ASXL2: variants seen among roughly 807,000 people sequenced by gnomAD.
ASXL2 encodes ASXL transcriptional regulator 2.
In ASXL2, 23 loss-of-function variants were observed where a neutral mutation model predicts 122.0. The observed-to-expected ratio is 0.19, with a 90% CI of 0.14 to 0.27. The LOEUF is 0.27. Ranked by LOEUF, ASXL2 falls within the 10% of genes least tolerant of loss-of-function variation. ASXL2 has a pLI of 1.00. For synonymous variants in ASXL2, 650 were observed against 637.0 expected, an observed-to-expected ratio of 1.02 and a Z score of -0.31; for missense variants, 1,518 against 1,713.8, an observed-to-expected ratio of 0.89 and a Z score of 2.02.
chr2:25,770,262 G>A (rs1231726503), intron 6 of ASXL2, among the ~76,000 whole-genome samples: 2 of 151,988 alleles, frequency 1.3e-5, no homozygotes, highest in Non-Finnish European at 2.9e-5. Context: ...AGGCTGGAGT[G>A]CAGTGGCACG....
chr2:25,813,177 T>G (rs989382859), intron 3 of ASXL2, among the ~76,000 whole-genome samples: 1 of 152,184 alleles, frequency 6.6e-6, no homozygotes, highest in Non-Finnish European at 1.5e-5. Flanking sequence ...GATTAGTGGA[T>G]CCACAGAGGG....
intron 5 of ASXL2, among the ~76,000 whole-genome samples, chr2:25,774,492 T>C (rs2088514687): frequency 6.6e-6 from 1 of 152,136 alleles, no homozygotes; most frequent in African/African-American, 2.4e-5. Flanking sequence ...GCAGGAACTC[T>C]TTTGTACATG....
At chr2:25,818,641 C>T (rs2089269631) in intron 3 of ASXL2, among the ~76,000 whole-genome samples, 3 of 152,068 alleles carry the variant, frequency 2.0e-5, no homozygotes, top group African/African-American at 4.8e-5. Flanking sequence ...TGAGGTCATG[C>T]TAAGAATAAA....
At chr2:25,768,027 C>T (rs183861218) in intron 7 of ASXL2, among the ~76,000 whole-genome samples, 73 of 152,220 alleles carry the variant, frequency 4.8e-4, no homozygotes, top group African/African-American at 1.6e-3. Context: ...TTATGTAATA[C>T]AATACAGAGT....
Position 25,742,203 on chromosome 2 carries a change from A to G in ASXL2, c.4134T>C (p.His1378=). 1.2e-6 allele frequency: 2 copies of G among 1,614,042 alleles called. No homozygotes were observed. The highest frequency in any genetic ancestry group is 1.7e-6 in the Non-Finnish European group (2 of 1,179,892). The change falls in exon 13 of 13, where the codon CAT becomes CAC. Residue 1378 remains histidine (H), a synonymous_variant. Transcript: ENST00000435504. ...PASQAMNPSS[H]GQTIPVQAFS... The stretch of plus-strand genomic sequence containing the variant: ...ACGCCTGAACAGGAATGGTCTGGCC[A>G]TGGCTGCTGGGATTCATAGCTTGGC...
At chr2:25,748,447 A>G (rs2087979029) in intron 12 of ASXL2, among the ~76,000 whole-genome samples, 2 of 152,042 alleles carry the variant, frequency 1.3e-5, no homozygotes, top group Non-Finnish European at 2.9e-5. Context: ...TGGAGACTGC[A>G]GTGAGCCAAG....
In ASXL2 at chr2:25,863,864, G is replaced by C. The variant is rs1247962528; in HGVS notation, c.57+14302C>G. On this transcript the variant is annotated intron_variant, in intron 1 of 12. Transcript: ENST00000435504. ...CTACTAAAAGTACAAAAATTAGCTG[G>C]GTATGGTGGCAGGTGACTGTAATCC... is the stretch of plus-strand genomic sequence containing the variant. Among the ~76,000 whole-genome samples the C allele has an allele frequency of 2.6e-5, 4 of 151,682 alleles. No homozygotes were observed. In the East Asian group the frequency reaches 7.8e-4, roughly 29 times the overall value.
chr2:25,752,060 C>T (rs1210707085), intron 11 of ASXL2, among the ~76,000 whole-genome samples: 1 of 152,162 alleles, frequency 6.6e-6, no homozygotes, highest in Non-Finnish European at 1.5e-5. Flanking sequence ...GTGTGAGCCA[C>T]CGCAACTGGC....
chr2:25,736,828 T>C lies in ASXL2; in HGVS notation c.*5201A>G, dbSNP rs1383859698. On this transcript the variant is annotated 3_prime_UTR_variant, in exon 13 of 13. Transcript: ENST00000435504. ...CCTTAACAATTTTTCTTTTAGGTCA[T>C]CAATGATTCGATATATTATTCATTT... 1 of 152,228 alleles carries C rather than the reference T, an allele frequency of 6.6e-6. No homozygotes were observed. The highest frequency in any genetic ancestry group is 1.5e-5 in the Non-Finnish European group (1 of 68,026). 9.4% of individuals were successfully genotyped at this position (152,228 alleles called of 1,614,324 possible).
intron 3 of ASXL2, chr2:25,822,590 A>T (rs1050093082): frequency 1.9e-6 from 1 of 522,518 alleles, no homozygotes; most frequent in African/African-American, 2.0e-5. Flanking sequence ...CAGTTGTCTC[A>T]GAGGAAGTGA....
chr2:25,827,111 C>A (rs1362197238), intron 3 of ASXL2, among the ~76,000 whole-genome samples: 1 of 151,310 alleles, frequency 6.6e-6, no homozygotes, highest in Non-Finnish European at 1.5e-5. Context: ...TGATTACAGG[C>A]ATAAGCCACC....
At chr2:25,745,569 A>C (rs1391672102) in intron 12 of ASXL2, among the ~76,000 whole-genome samples, 3 of 151,306 alleles carry the variant, frequency 2.0e-5, no homozygotes, top group Non-Finnish European at 4.4e-5. Flanking sequence ...CAAAAAAAAA[A>C]AAAAAAAAAG....
intron 1 of ASXL2, among the ~76,000 whole-genome samples, chr2:25,853,373 TCTACTGATCA>T: frequency 6.6e-6 from 1 of 152,212 alleles, no homozygotes; most frequent in Admixed American, 6.5e-5. Flanking sequence ...TTAGCAGTTA[TCTACTGATCA>T]CTACCTGTGT....
chr2:25,813,341 T>A (rs1448550702), intron 3 of ASXL2, among the ~76,000 whole-genome samples: 1 of 152,190 alleles, frequency 6.6e-6, no homozygotes, highest in Non-Finnish European at 1.5e-5. Flanking sequence ...ATTTTTTGGA[T>A]TTTAAAAAGG....
chr2:25,829,998 C>T (rs1030970140), intron 3 of ASXL2, among the ~76,000 whole-genome samples: 1 of 152,180 alleles, frequency 6.6e-6, no homozygotes, highest in Non-Finnish European at 1.5e-5. Context: ...GGCAACCCAG[C>T]CTGTGAAAAT....
intron 1 of ASXL2, among the ~76,000 whole-genome samples, chr2:25,871,206 A>AT: frequency 6.6e-6 from 1 of 152,334 alleles, no homozygotes; most frequent in Middle Eastern, 3.4e-3. Context: ...ATAGAGGGGT[A>AT]TTCAGAGTTC....
intron 6 of ASXL2, 55 bp downstream of exon 6, chr2:25,771,385 G>A (rs2088451033): frequency 2.7e-6 from 4 of 1,490,746 alleles, no homozygotes; most frequent in East Asian, 4.6e-5. Context: ...TGCCAGAGGT[G>A]TGCGTTTTAA....
chr2:25,877,023 T>A (rs372932285), intron 1 of ASXL2, among the ~76,000 whole-genome samples: 7 of 152,230 alleles, frequency 4.6e-5, no homozygotes, highest in Non-Finnish European at 7.3e-5. Flanking sequence ...TGATTTTTTT[T>A]AAATGTTCTT....
At chr2:25,868,325 T>G (rs1166389604) in intron 1 of ASXL2, among the ~76,000 whole-genome samples, 3 of 152,268 alleles carry the variant, frequency 2.0e-5, no homozygotes, top group Non-Finnish European at 4.4e-5. Flanking sequence ...CATCCCAGGC[T>G]GTGAACGCCA....
Sources: allele counts gnomAD v4.1 joint callset (sites outside exome capture counted in the v4.1 genomes callset), GRCh38; gene constraint gnomAD v4.1.1; transcripts MANE v1.5; gene names NCBI Gene and HGNC (gene_info 2026-07-23, HGNC 2026-07-21).